SPATA17: variants seen among roughly 807,000 people sequenced by gnomAD.
The protein encoded by SPATA17 is spermatogenesis associated 17.
In SPATA17, 53 loss-of-function variants were observed where a neutral mutation model predicts 62.2. The ratio of observed to expected loss-of-function variants is 0.85; its 90% CI spans 0.68 to 1.07. The LOEUF is 1.07. Among genes scored for constraint, SPATA17 ranks in the 50% least tolerant of loss-of-function variants. The pLI, the probability that SPATA17 is intolerant of heterozygous loss-of-function variation, is 0.00. For synonymous variants in SPATA17, 146 were observed against 146.8 expected (o/e 0.99, Z 0.04); for missense variants, 466 against 425.5 (o/e 1.10, Z -0.84).
intron 5 of SPATA17, among the ~76,000 whole-genome samples, chr1:217,720,785 C>T (rs764903800): frequency 5.9e-5 from 9 of 152,012 alleles, no homozygotes; most frequent in Non-Finnish European, 1.2e-4. Flanking sequence ...ACCTCTAGGC[C>T]TAAGGAAGAG....
chr1:217,662,469 G>C (rs1227049762), intron 3 of SPATA17, among the ~76,000 whole-genome samples: 1 of 152,040 alleles, frequency 6.6e-6, no homozygotes, highest in African/African-American at 2.4e-5. Flanking sequence ...TGATTAAAAA[G>C]AGAAATTATT....
At chr1:217,705,704 G>A (rs1488225658) in intron 5 of SPATA17, among the ~76,000 whole-genome samples, 1 of 152,110 alleles carries the variant, frequency 6.6e-6, no homozygotes, top group African/African-American at 2.4e-5. Flanking sequence ...CTCCCAAAGT[G>A]CTGGGATTAT....
chr1:217,738,568 T>C (rs1672563363), intron 5 of SPATA17, among the ~76,000 whole-genome samples: 1 of 152,228 alleles, frequency 6.6e-6, no homozygotes, highest in African/African-American at 2.4e-5. Context: ...TTAATATATT[T>C]ACATTTTACA....
intron 8 of SPATA17, among the ~76,000 whole-genome samples, chr1:217,787,600 C>T (rs928582718): frequency 6.6e-6 from 1 of 152,152 alleles, no homozygotes; most frequent in Non-Finnish European, 1.5e-5. Flanking sequence ...ATTAAAACTA[C>T]AACACATATT....
At chr1:217,827,984 A>G (rs370924781) in intron 9 of SPATA17, among the ~76,000 whole-genome samples, 1 of 152,158 alleles carries the variant, frequency 6.6e-6, no homozygotes, top group Non-Finnish European at 1.5e-5. Flanking sequence ...CACAGGGCAC[A>G]CGTTTACCTA....
At chr1:217,736,383 G>T (rs940025593) in intron 5 of SPATA17, among the ~76,000 whole-genome samples, 9 of 152,116 alleles carry the variant, frequency 5.9e-5, no homozygotes, top group African/African-American at 2.2e-4. Context: ...ACAGTTTGCA[G>T]TCTAGTAGGG....
At chr1:217,787,340 A>G (rs1673895364) in intron 8 of SPATA17, among the ~76,000 whole-genome samples, 1 of 152,094 alleles carries the variant, frequency 6.6e-6, no homozygotes, top group South Asian at 2.1e-4. Context: ...TATTGCCTCT[A>G]GGATAAAGTT....
At chr1:217,718,984 G>A (rs575275676) in intron 5 of SPATA17, among the ~76,000 whole-genome samples, 5 of 152,312 alleles carry the variant, frequency 3.3e-5, no homozygotes, top group Non-Finnish European at 7.3e-5. Context: ...AACTGACCAC[G>A]AACAAAGAAG....
intron 9 of SPATA17, chr1:217,850,704 C>A (rs897571469): frequency 1.6e-6 from 2 of 1,213,576 alleles, no homozygotes; most frequent in Non-Finnish European, 2.3e-6. Context: ...CACCTCCACA[C>A]GCTCACCCGA....
In SPATA17 at chr1:217,683,293, G is replaced by A; in HGVS notation, c.327G>A (p.Lys109=). 1 of 1,610,288 alleles carries A rather than the reference G, an allele frequency of 6.2e-7. No individual in the cohort carries two copies. Among genetic ancestry groups the A allele is most frequent in the Non-Finnish European group, 8.5e-7 (1 of 1,178,174 alleles). ...QRRWRGYRVR[K]YLFNYYYLKE... Reference sequence around the variant, plus strand: ...GATGGCGAGGCTATAGGGTTCGGAAGTACCTCTTTAATTATTATTATTTGA... The same window carrying A: ...GATGGCGAGGCTATAGGGTTCGGAAATACCTCTTTAATTATTATTATTTGA... Residue 109 remains lysine (K), a synonymous_variant, in exon 5 of 11, where the codon AAG becomes AAA. Coordinates refer to ENST00000366933, the MANE Select transcript of SPATA17 (RefSeq NM_138796.4).
Position 217,735,265 on chromosome 1 carries a change from C to T in SPATA17, c.396-6710C>T, listed in dbSNP as rs114823591. ...AATTTGTTTCTCACAGTTCTGGAGA[C>T]TGGAAAATCCAAGACAGGTGCCAAC... On this transcript the variant is annotated intron_variant, in intron 5 of 10. Transcript: ENST00000366933. Among the ~76,000 whole-genome samples, 924 of 152,270 alleles carry T rather than the reference C, an allele frequency of 6.1e-3. 11 individuals carry two copies. Among genetic ancestry groups the T allele is most frequent in the African/African-American group, 0.021 (853 of 41,548 alleles).
At chr1:217,824,520 TA>T (rs1287292872) in intron 9 of SPATA17, among the ~76,000 whole-genome samples, 1 of 151,266 alleles carries the variant, frequency 6.6e-6, no homozygotes, top group Non-Finnish European at 1.5e-5. Context: ...TAATTAGAGA[TA>T]GCCACTATCC....
intron 9 of SPATA17, among the ~76,000 whole-genome samples, chr1:217,853,728 G>A (rs1675714941): frequency 6.6e-6 from 1 of 152,084 alleles, no homozygotes; most frequent in Non-Finnish European, 1.5e-5. Flanking sequence ...GCATAATAGT[G>A]TTTTATGTGT....
At chr1:217,634,590 C>T (rs561032976) in intron 1 of SPATA17, among the ~76,000 whole-genome samples, 1 of 152,134 alleles carries the variant, frequency 6.6e-6, no homozygotes, top group Non-Finnish European at 1.5e-5. Flanking sequence ...GGGTCAGAAT[C>T]TTATAGCCTC....
chr1:217,637,529 T>C (rs1669969202), intron 1 of SPATA17, among the ~76,000 whole-genome samples: 1 of 152,306 alleles, frequency 6.6e-6, no homozygotes, highest in South Asian at 2.1e-4. Flanking sequence ...TGAGGTATAA[T>C]GTTCCTTAAG....
chr1:217,660,606 G>A (rs1479156324), intron 3 of SPATA17, among the ~76,000 whole-genome samples: 1 of 152,150 alleles, frequency 6.6e-6, no homozygotes, highest in East Asian at 1.9e-4. Context: ...TGTGTTGTGA[G>A]CAGATGGGAT....
At position 217,797,256 on chromosome 1, in the gene SPATA17, T is replaced by C. The variant is rs1456337004; in HGVS notation, c.873-4462T>C. 9.8e-3 allele frequency among the ~76,000 whole-genome samples: 1,462 copies of C among 149,932 alleles called. 26 individuals carry two copies. Among genetic ancestry groups the C allele is most frequent in the African/African-American group, 0.033 (1,331 of 40,874 alleles). On this transcript the variant is annotated intron_variant, in intron 8 of 10. Transcript: ENST00000366933. ...ACTATTTTCTTTCTTTCTTTCTTTT[T>C]TTTTTTTTTTTGAGATGGAGTCTCA...
chr1:217,781,636 A>G (rs1673729893), intron 7 of SPATA17, among the ~76,000 whole-genome samples: 1 of 152,208 alleles, frequency 6.6e-6, no homozygotes, highest in Non-Finnish European at 1.5e-5. Flanking sequence ...AATAAATAAC[A>G]TTTAAAATAA....
At chr1:217,690,292 A>T (rs1299743423) in intron 5 of SPATA17, among the ~76,000 whole-genome samples, 1 of 151,892 alleles carries the variant, frequency 6.6e-6, no homozygotes, top group Non-Finnish European at 1.5e-5. Flanking sequence ...AATCTTTAAT[A>T]TTTTCCACCA....
Sources: gnomAD v4.1 joint callset for allele counts (sites outside exome capture counted in the v4.1 genomes callset) on GRCh38, gnomAD v4.1.1 for gene constraint, MANE v1.5 for transcripts, NCBI Gene and HGNC (gene_info 2026-07-23, HGNC 2026-07-21) for gene names.